SUGCT: variants seen among roughly 807,000 people sequenced by gnomAD.
The protein encoded by SUGCT is succinyl-CoA:glutarate CoA-transferase.
A neutral mutation model predicts 55.0 loss-of-function variants in SUGCT; 41 were observed. The observed-to-expected ratio is 0.74, with a 90% CI of 0.58 to 0.97. The LOEUF is 0.97. SUGCT is among the 50% of genes least tolerant of loss of function. The probability of loss-of-function intolerance (pLI) is 0.00; values close to 1 mark genes in which losing one functional copy is unlikely to be tolerated. For missense variants in SUGCT, 568 were observed against 547.8 expected, an observed-to-expected ratio of 1.04 and a Z score of -0.37; for synonymous variants, 187 against 200.4, an observed-to-expected ratio of 0.93 and a Z score of 0.56.
chr7:40,607,230 A>G (rs1020847863), intron 12 of SUGCT, among the ~76,000 whole-genome samples: 6 of 151,956 alleles, frequency 3.9e-5, no homozygotes, highest in African/African-American at 4.8e-5. Flanking sequence ...CAGCCCCCCA[A>G]GTAGCTGGAA....
chr7:40,465,936 C>A (rs984624577), intron 11 of SUGCT, among the ~76,000 whole-genome samples: 5 of 152,092 alleles, frequency 3.3e-5, no homozygotes, highest in Non-Finnish European at 5.9e-5. Flanking sequence ...GGCTAGCGTG[C>A]GGTAGTGTGA....
intron 12 of SUGCT, among the ~76,000 whole-genome samples, chr7:40,497,078 A>G (rs1792023031): frequency 6.6e-6 from 1 of 152,316 alleles, no homozygotes; most frequent in African/African-American, 2.4e-5. Flanking sequence ...TCAAAAAACT[A>G]CAAGCAATTT....
At chr7:40,234,131 G>A (rs1378181154) in intron 6 of SUGCT, among the ~76,000 whole-genome samples, 1 of 152,216 alleles carries the variant, frequency 6.6e-6, no homozygotes, top group African/African-American at 2.4e-5. Context: ...GAGTTGCACT[G>A]ATGGTGAGGG....
chr7:40,768,576 A>G (rs1052513770), intron 13 of SUGCT, among the ~76,000 whole-genome samples: 2 of 152,138 alleles, frequency 1.3e-5, no homozygotes, highest in African/African-American at 4.8e-5. Context: ...TCTAGGTAGA[A>G]TTATGTTCAA....
chr7:40,779,525 G>A (rs191415364), intron 13 of SUGCT, among the ~76,000 whole-genome samples: 86 of 152,318 alleles, frequency 5.6e-4, no homozygotes, highest in Middle Eastern at 3.4e-3. Flanking sequence ...GTAAGTGGAC[G>A]TCTTGTAGAC....
chr7:40,918,682 A>G, the SUGCT span, among the ~76,000 whole-genome samples: 5 of 152,146 alleles, frequency 3.3e-5, no homozygotes, highest in African/African-American at 1.2e-4. Context: ...AAATAAAAGG[A>G]TAGAACAAGG....
chr7:40,742,690 G>C (rs1787529858), intron 12 of SUGCT, among the ~76,000 whole-genome samples: 3 of 152,186 alleles, frequency 2.0e-5, no homozygotes, highest in Non-Finnish European at 2.9e-5. Context: ...GCGGACCCCT[G>C]ATGTAAGTAA....
At chr7:40,252,559 C>T (rs1790499376) in intron 7 of SUGCT, among the ~76,000 whole-genome samples, 1 of 152,144 alleles carries the variant, frequency 6.6e-6, no homozygotes, top group South Asian at 2.1e-4. Flanking sequence ...GAAAGTACTA[C>T]ATTTTAAGAA....
At chr7:40,698,006 C>A (rs1785010104) in intron 12 of SUGCT, among the ~76,000 whole-genome samples, 1 of 152,188 alleles carries the variant, frequency 6.6e-6, no homozygotes, top group South Asian at 2.1e-4. Context: ...GAGAGGAAGA[C>A]ATTCTGACAG....
intron 11 of SUGCT, among the ~76,000 whole-genome samples, chr7:40,476,315 C>T (rs1354318908): frequency 1.3e-5 from 2 of 152,036 alleles, no homozygotes; most frequent in African/African-American, 4.8e-5. Context: ...TGTTTCCTGC[C>T]CCACAGTGCT....
In SUGCT at chr7:40,551,138, C is replaced by G. The variant is rs190896041; in HGVS notation, c.1089+54752C>G. Among the ~76,000 whole-genome samples the G allele has an allele frequency of 1.7e-3, 258 of 152,212 alleles. 1 individual carries two copies. Among genetic ancestry groups the G allele is most frequent in the African/African-American group, 6.1e-3 (252 of 41,540 alleles). On this transcript the variant is annotated intron_variant, in intron 12 of 13. Transcript: ENST00000335693. ...CATGCTCTTTGCCCAGCAGGTTCTC[C>G]TAGGACATCCTCCTCTTGGAACACT...
intron 13 of SUGCT, among the ~76,000 whole-genome samples, chr7:40,763,132 A>G (rs1166519149): frequency 6.6e-6 from 1 of 152,100 alleles, no homozygotes. Flanking sequence ...AAAAAATTTT[A>G]TGCATTGTAT....
intron 12 of SUGCT, among the ~76,000 whole-genome samples, chr7:40,540,809 C>T (rs1410889259): frequency 2.6e-5 from 4 of 152,218 alleles, no homozygotes; most frequent in Admixed American, 6.5e-5. Context: ...TGTGCATTAA[C>T]ACCTTCTTCC....
At chr7:40,372,150 C>T (rs918769401) in intron 9 of SUGCT, among the ~76,000 whole-genome samples, 7 of 151,714 alleles carry the variant, frequency 4.6e-5, no homozygotes, top group African/African-American at 1.5e-4. Context: ...GACGCTCTTC[C>T]TGTATTCTTC....
At chr7:40,447,698 A>G (rs1466550643) in intron 9 of SUGCT, among the ~76,000 whole-genome samples, 3 of 152,170 alleles carry the variant, frequency 2.0e-5, no homozygotes, top group Non-Finnish European at 2.9e-5. Flanking sequence ...GAAGAGAAGG[A>G]TTCAGTGGAA....
intron 13 of SUGCT, among the ~76,000 whole-genome samples, chr7:40,776,108 C>T (rs1441968742): frequency 6.6e-6 from 1 of 152,152 alleles, no homozygotes; most frequent in Non-Finnish European, 1.5e-5. Flanking sequence ...CCCCATCCTG[C>T]CGCTGTGAAA....
At chr7:40,169,289 A>G (rs1171694543) in intron 1 of SUGCT, among the ~76,000 whole-genome samples, 1 of 152,172 alleles carries the variant, frequency 6.6e-6, no homozygotes, top group Admixed American at 6.5e-5. Context: ...TGGGAGAAGT[A>G]TCTAGTGACT....
At position 40,584,513 on chromosome 7, in the gene SUGCT, A is replaced by G. The variant is rs571372345; in HGVS notation, c.1089+88127A>G. Among the ~76,000 whole-genome samples, 12 of 152,302 alleles carry G rather than the reference A, an allele frequency of 7.9e-5. No individual in the cohort carries two copies. In the East Asian group the frequency reaches 2.3e-3, roughly 29 times the overall value. ...ACTCCAAGGAGCAGTGTTTTAGGGGAAAAGACCAGATAATAGTTCCCATGT... is the reference window on the plus strand; with the variant it reads ...ACTCCAAGGAGCAGTGTTTTAGGGGGAAAGACCAGATAATAGTTCCCATGT... On this transcript the variant is annotated intron_variant, in intron 12 of 13. Transcript: ENST00000335693.
chr7:40,403,295 A>G (rs553183805), intron 9 of SUGCT, among the ~76,000 whole-genome samples: 1 of 152,338 alleles, frequency 6.6e-6, no homozygotes, highest in East Asian at 1.9e-4. Flanking sequence ...CAATAAATAG[A>G]GAGTTCCATG....
Sources: allele counts gnomAD v4.1 joint callset (sites outside exome capture counted in the v4.1 genomes callset), GRCh38; gene constraint gnomAD v4.1.1; transcripts MANE v1.5; gene names NCBI Gene and HGNC (gene_info 2026-07-23, HGNC 2026-07-21).